The following MTMR14 variants were observed in gnomAD, a reference collection of about 807,000 sequenced individuals.
The protein encoded by MTMR14 is myotubularin related protein 14.
A neutral mutation model predicts 86.3 loss-of-function variants in MTMR14; 48 were observed. The observed-to-expected ratio is 0.56, with a 90% CI of 0.44 to 0.71. The LOEUF (loss-of-function observed/expected upper bound fraction) is 0.71, where lower values mean the gene tolerates loss of function less well. MTMR14 is among the 30% of genes least tolerant of loss of function. The pLI is 0.00. For missense variants in MTMR14, 780 were observed against 834.6 expected, an observed-to-expected ratio of 0.93 and a Z score of 0.81; for synonymous variants, 366 against 326.1, an observed-to-expected ratio of 1.12 and a Z score of -1.32.
At chr3:9,659,558 C>T (rs2125018444) in intron 2 of MTMR14, 1 of 369,198 alleles carries the variant, frequency 2.7e-6, no homozygotes, top group African/African-American at 2.1e-5. Context: ...ATTCTCCTGC[C>T]TCAGCCTCCC....
intron 9 of MTMR14, among the ~76,000 whole-genome samples, chr3:9,680,840 AAAACAAAC>A (rs34688278): frequency 5.3e-5 from 8 of 151,930 alleles, no homozygotes; most frequent in African/African-American, 1.9e-4. Context: ...CCGTCTCAAA[AAAACAAAC>A]AAACAAACAA....
chr3:9,688,153 C>T (rs1452860529), intron 14 of MTMR14, among the ~76,000 whole-genome samples: 1 of 152,192 alleles, frequency 6.6e-6, no homozygotes, highest in Non-Finnish European at 1.5e-5. Context: ...CGAGTGGTCT[C>T]TCATGACCAA....
At chr3:9,687,692 A>T (rs2076005665) in intron 13 of MTMR14, 129 bp from the exon 14 acceptor site, 5 of 749,006 alleles carry the variant, frequency 6.7e-6, no homozygotes, top group South Asian at 3.0e-5. Flanking sequence ...ATGGACCAGA[A>T]CACCCACACA....
In MTMR14 at chr3:9,688,891, G is replaced by T. The variant is rs1053454349; in HGVS notation, c.1295-53G>T. The T allele has an allele frequency of 1.9e-6, 3 of 1,613,166 alleles. No individual in the cohort carries two copies. In the African/African-American group the frequency reaches 4.0e-5, roughly 22 times the overall value. On this transcript the variant is annotated intron_variant, in intron 15 of 18. Coordinates refer to ENST00000296003, the MANE Select transcript of MTMR14 (RefSeq NM_001077525.3). ...GTTATGTGGTATAGAAAAGGTGGGG[G>T]ACCAGTAGTGGGAGAAGGTAACACG...
chr3:9,685,207 T>G lies in MTMR14; in HGVS notation c.1128-4T>G, dbSNP rs780221499. The G allele has an allele frequency of 6.2e-7, 1 of 1,614,154 alleles. No individual in the cohort carries two copies. Among genetic ancestry groups the G allele is most frequent in the Admixed American group, 1.7e-5 (1 of 60,012 alleles). ...ACTTTGCCTCTCTACCCTCCTTTTT[T>G]CAGGCACATGTTGGTAGATCGGCTC... On this transcript the variant is annotated splice_polypyrimidine_tract_variant and splice_region_variant and intron_variant, in intron 12 of 18. Transcript: ENST00000296003.
Position 9,689,010 on chromosome 3 carries a change from C to T in MTMR14, c.1361C>T (p.Pro454Leu), listed in dbSNP as rs1293791514. The T allele has an allele frequency of 5.6e-6, 9 of 1,613,848 alleles. No individual in the cohort carries two copies. Among genetic ancestry groups the T allele is most frequent in the Non-Finnish European group, 7.6e-6 (9 of 1,180,036 alleles). Residue 454 changes from proline (P) to leucine (L), a missense_variant, in exon 16 of 19, where the codon CCA becomes CTA. By Grantham distance (98) the Pro-to-Leu change is moderately conservative. Coordinates refer to ENST00000296003, the MANE Select transcript of MTMR14 (RefSeq NM_001077525.3). ...SDFSLVMESS[P>L]GATGSFTYEA... ...TTCTCCCTGGTCATGGAGAGTTCCC[C>T]AGGAGCCACTGGGAGCTTCACCTAT...
chr3:9,665,623 A>G (rs1047750247), intron 3 of MTMR14, among the ~76,000 whole-genome samples: 9 of 152,154 alleles, frequency 5.9e-5, no homozygotes, highest in African/African-American at 2.2e-4. Context: ...CCTGAATCTA[A>G]TGTTTAAGAA....
chr3:9,667,861 T>G (rs2048339716), intron 3 of MTMR14, among the ~76,000 whole-genome samples: 1 of 152,174 alleles, frequency 6.6e-6, no homozygotes, highest in Non-Finnish European at 1.5e-5. Context: ...CACTTTCCAT[T>G]TGCACATTGT....
chr3:9,701,131 G>A lies in MTMR14; in HGVS notation c.1770-659G>A, dbSNP rs2076442863. The A allele has an allele frequency of 6.5e-6, 1 of 153,196 alleles. No homozygotes were observed. The highest frequency in any genetic ancestry group is 1.5e-5 in the Non-Finnish European group (1 of 68,812). The allele number at this position is 153,196 out of a possible 1,614,324, so 9.5% of individuals were successfully genotyped here. On this transcript the variant is annotated intron_variant, in intron 18 of 18. Transcript: ENST00000296003. This position sits in a 1 kb window ranked among gnomAD's most constrained non-coding sequence, Gnocchi z 4.2. ...CTGCAGCGTGCTGCCAGATTTCAGG[G>A]GCCTCCTTACTGTTAGGTATAAGAC... is the stretch of plus-strand genomic sequence containing the variant.
At chr3:9,698,893 G>T (rs576636610) in intron 18 of MTMR14, among the ~76,000 whole-genome samples, 1 of 152,272 alleles carries the variant, frequency 6.6e-6, no homozygotes, top group East Asian at 1.9e-4. Context: ...TGCAGGCCGG[G>T]CATGGTGGCT....
At chr3:9,698,377 A>C (rs1390352275) in intron 18 of MTMR14, among the ~76,000 whole-genome samples, 2 of 152,198 alleles carry the variant, frequency 1.3e-5, no homozygotes, top group East Asian at 3.9e-4. Context: ...ACACCTACAA[A>C]ACCCTGAGTT....
chr3:9,655,578 A>G (rs1209831131), intron 2 of MTMR14, among the ~76,000 whole-genome samples: 1 of 143,682 alleles, frequency 7.0e-6, no homozygotes, highest in Non-Finnish European at 1.5e-5. Flanking sequence ...CTCCTGCCTC[A>G]GCCTCCTGAG....
chr3:9,698,578 G>A (rs184987890), intron 18 of MTMR14, among the ~76,000 whole-genome samples: 1 of 152,352 alleles, frequency 6.6e-6, no homozygotes, highest in Non-Finnish European at 1.5e-5. Context: ...TGGGCTGGAT[G>A]AATGGCACAT....
At chr3:9,685,189 C>T (rs1289568535) in intron 12 of MTMR14, 22 bp from the exon 13 acceptor site, 1 of 1,614,172 alleles carries the variant, frequency 6.2e-7, no homozygotes, top group East Asian at 2.2e-5. Flanking sequence ...CTGACTTTGC[C>T]TCTCTACCCT....
At chr3:9,681,757 T>A (rs1275860387) in intron 9 of MTMR14, among the ~76,000 whole-genome samples, 1 of 152,206 alleles carries the variant, frequency 6.6e-6, no homozygotes, top group East Asian at 1.9e-4. Context: ...TGCTTCTTAC[T>A]CTGGTGTTAT....
chr3:9,653,042 G>A (rs1204080646), intron 1 of MTMR14, among the ~76,000 whole-genome samples: 1 of 152,204 alleles, frequency 6.6e-6, no homozygotes, highest in African/African-American at 2.4e-5. Context: ...TTTGAAACTA[G>A]CCTGGCCAAC....
At position 9,697,836 on chromosome 3, in the gene MTMR14, G is replaced by A. The variant is rs753242905; in HGVS notation, c.1739G>A (p.Ser580Asn). 1 of 1,614,196 alleles carries A rather than the reference G, an allele frequency of 6.2e-7. No homozygotes were observed. Among genetic ancestry groups the A allele is most frequent in the Admixed American group, 1.7e-5 (1 of 60,028 alleles). ...VLHTDSSLPF[S>N]FPDELPNSCL... Reference sequence around the variant, plus strand: ...CACACAGACTCCTCTCTCCCTTTCAGCTTCCCGGATGAGCTCCCTAACAGT... The same window carrying A: ...CACACAGACTCCTCTCTCCCTTTCAACTTCCCGGATGAGCTCCCTAACAGT... Residue 580 changes from serine (S) to asparagine (N), a missense_variant, in exon 18 of 19, where the codon AGC (serine) becomes AAC (asparagine). Transcript: ENST00000296003.
At chr3:9,679,041 T>C (rs2075673017) in intron 9 of MTMR14, among the ~76,000 whole-genome samples, 1 of 152,190 alleles carries the variant, frequency 6.6e-6, no homozygotes, top group Admixed American at 6.5e-5. Context: ...GGCTGACCCA[T>C]CTATGTTAAG....
At chr3:9,691,472 G>A (rs2076138477) in intron 17 of MTMR14, among the ~76,000 whole-genome samples, 1 of 152,222 alleles carries the variant, frequency 6.6e-6, no homozygotes, top group African/African-American at 2.4e-5. Flanking sequence ...CTAGGTCATG[G>A]TTCCTGCCCC....
Sources: allele counts gnomAD v4.1 joint callset (sites outside exome capture counted in the v4.1 genomes callset), GRCh38; gene constraint gnomAD v4.1.1; non-coding constraint Gnocchi (gnomAD v3.1); transcripts MANE v1.5; gene names NCBI Gene and HGNC (gene_info 2026-07-23, HGNC 2026-07-21).